The following NOXRED1 variants were observed in gnomAD, a reference collection of about 807,000 sequenced individuals.
NOXRED1 encodes NADP dependent oxidoreductase domain containing 1, also known as NADP-dependent oxidoreductase domain-containing protein 1.
In NOXRED1, 20 loss-of-function variants were observed where a neutral mutation model predicts 30.4. The observed-to-expected ratio is 0.66, with a 90% confidence interval of 0.46 to 0.96. NOXRED1 has a LOEUF of 0.96. Ranked by LOEUF, NOXRED1 falls within the 40% of genes least tolerant of loss-of-function variation. The pLI is 0.00. For synonymous variants in NOXRED1, 155 were observed against 168.0 expected (o/e 0.92, Z 0.60); for missense variants, 374 against 428.0 (o/e 0.87, Z 1.11).
intron 4 of NOXRED1, 114 bp from the exon 5 acceptor site, chr14:77,406,249 A>C: frequency 1.5e-6 from 1 of 674,782 alleles, no homozygotes; most frequent in South Asian, 1.9e-5. Flanking sequence ...ACAGATTGGT[A>C]ATATGAACCA....
At chr14:77,412,622 C>T (rs927791475) in intron 2 of NOXRED1, among the ~76,000 whole-genome samples, 8 of 152,118 alleles carry the variant, frequency 5.3e-5, no homozygotes, top group Non-Finnish European at 7.4e-5. Context: ...AAGTGATTTG[C>T]CTGCCTCAGC....
rs1188634636 is a variant in NOXRED1, at chr14:77,394,591, A to T, written c.*40T>A. ...AATCAGGGCACAACTATTATAGGGA[A>T]AATCTGTGAGTGGGAAAAAATCCTG... is the stretch of plus-strand genomic sequence containing the variant. On this transcript the variant is annotated 3_prime_UTR_variant, in exon 6 of 6. Coordinates refer to ENST00000380835, the MANE Select transcript of NOXRED1 (RefSeq NM_001113475.3). 1 of 1,528,654 alleles carries T rather than the reference A, an allele frequency of 6.5e-7. No homozygotes were observed. The highest frequency in any genetic ancestry group is 9.0e-7 in the Non-Finnish European group (1 of 1,107,508). The allele number at this position is 1,528,654 out of a possible 1,614,324, so 94.7% of individuals were successfully genotyped here. A position where few individuals can be genotyped will look rare whatever the true frequency, so the allele number is the denominator to read the frequency against.
Position 77,401,759 on chromosome 14 carries a change from G to A in NOXRED1, c.905+4154C>T, listed in dbSNP as rs77408269. ...CTCAGTATTGAAATGGAAGAACAAA[G>A]TCAGAGGAGTAACACTACCCAACTT... On this transcript the variant is annotated intron_variant, in intron 5 of 5. Transcript: ENST00000380835. 1.5e-3 allele frequency among the ~76,000 whole-genome samples: 228 copies of A among 152,320 alleles called. 2 individuals carry two copies. The highest frequency in any genetic ancestry group is 2.1e-3 in the South Asian group (10 of 4,830).
At chr14:77,400,266 AAAG>A (rs986486740) in intron 5 of NOXRED1, among the ~76,000 whole-genome samples, 1 of 152,250 alleles carries the variant, frequency 6.6e-6, no homozygotes, top group Non-Finnish European at 1.5e-5. Context: ...TACATAAAGA[AAAG>A]AAGAGCACTG....
At chr14:77,404,096 G>C (rs1033832478) in intron 5 of NOXRED1, among the ~76,000 whole-genome samples, 11 of 152,150 alleles carry the variant, frequency 7.2e-5, no homozygotes, top group African/African-American at 2.7e-4. Flanking sequence ...ACATCTCAAA[G>C]AGTCTCTGAA....
At chr14:77,423,666 A>G (rs1233439542), upstream of NOXRED1, 1 of 152,108 alleles carries the variant, frequency 6.6e-6, no homozygotes, top group African/African-American at 2.4e-5. Context: ...TCCTTCCACT[A>G]TTTCTAGGAG....
At chr14:77,409,051 T>G (rs955866213) in intron 2 of NOXRED1, among the ~76,000 whole-genome samples, 1 of 151,916 alleles carries the variant, frequency 6.6e-6, no homozygotes, top group Non-Finnish European at 1.5e-5. Context: ...AAACCTAAAG[T>G]GTTCACTCAC....
chr14:77,406,224 C>A, intron 4 of NOXRED1, 89 bp from the exon 5 acceptor site: 3 of 829,290 alleles, frequency 3.6e-6, no homozygotes. Flanking sequence ...AGTGAATAGC[C>A]GCCTTTTTTC....
chr14:77,399,668 C>G (rs1414913778), intron 5 of NOXRED1, among the ~76,000 whole-genome samples: 5 of 151,986 alleles, frequency 3.3e-5, no homozygotes, highest in Non-Finnish European at 7.4e-5. Flanking sequence ...TCAACAGAAA[C>G]CTCCAAAACT....
intron 3 of NOXRED1, 138 bp from the exon 4 acceptor site, chr14:77,407,013 G>T: frequency 1.4e-6 from 1 of 720,242 alleles, no homozygotes. Context: ...GGTCTGTGCT[G>T]AGAGCACTAA....
intron 5 of NOXRED1, among the ~76,000 whole-genome samples, chr14:77,401,543 A>T (rs533125049): frequency 3.3e-5 from 5 of 152,104 alleles, no homozygotes; most frequent in African/African-American, 1.2e-4. Context: ...AAAAAAATAT[A>T]AAAAATCAGC....
chr14:77,418,274 A>G (rs565666570), intron 1 of NOXRED1, among the ~76,000 whole-genome samples: 2 of 152,168 alleles, frequency 1.3e-5, no homozygotes, highest in Admixed American at 6.5e-5. Context: ...AGCTGGGACT[A>G]CAGGCACACA....
At chr14:77,410,085 G>A (rs1301482774) in intron 2 of NOXRED1, among the ~76,000 whole-genome samples, 1 of 151,970 alleles carries the variant, frequency 6.6e-6, no homozygotes, top group East Asian at 1.9e-4. Context: ...TTACCGGCAT[G>A]AGCCACCATG....
At chr14:77,395,775 C>T (rs1489443091) in intron 5 of NOXRED1, among the ~76,000 whole-genome samples, 1 of 151,716 alleles carries the variant, frequency 6.6e-6, no homozygotes, top group Admixed American at 6.6e-5. Context: ...GCACTCTAGC[C>T]TGGGCTACAG....
chr14:77,409,598 A>G (rs1894588208), intron 2 of NOXRED1, among the ~76,000 whole-genome samples: 1 of 152,184 alleles, frequency 6.6e-6, no homozygotes, highest in Non-Finnish European at 1.5e-5. Flanking sequence ...AGGCCTATCT[A>G]TCATTCTCTC....
intron 1 of NOXRED1, among the ~76,000 whole-genome samples, chr14:77,416,709 G>C (rs1894834582): frequency 6.6e-6 from 1 of 152,170 alleles, no homozygotes; most frequent in Admixed American, 6.5e-5. Flanking sequence ...TTCTCAATGA[G>C]CTGTTGGGTA....
intron 1 of NOXRED1, among the ~76,000 whole-genome samples, chr14:77,418,719 T>G (rs1894902895): frequency 6.6e-6 from 1 of 151,172 alleles, no homozygotes; most frequent in African/African-American, 2.4e-5. Context: ...TTAAGAGATG[T>G]TGTCTCCCTA....
At chr14:77,401,332 A>T (rs1160628467) in intron 5 of NOXRED1, among the ~76,000 whole-genome samples, 1 of 152,086 alleles carries the variant, frequency 6.6e-6, no homozygotes, top group Non-Finnish European at 1.5e-5. Context: ...AGATGGCGCC[A>T]CTGCACTCCA....
intron 5 of NOXRED1, 102 bp downstream of exon 5, chr14:77,405,811 T>A: frequency 1.4e-6 from 1 of 698,346 alleles, no homozygotes; most frequent in Admixed American, 2.7e-5. Context: ...GTATAATTTT[T>A]ATCAATGTTT....
Sources: gnomAD v4.1 joint callset for allele counts (sites outside exome capture counted in the v4.1 genomes callset) on GRCh38, gnomAD v4.1.1 for gene constraint, MANE v1.5 for transcripts, NCBI Gene and HGNC (gene_info 2026-07-23, HGNC 2026-07-21) for gene names.